SUGCT: variants seen among roughly 807,000 people sequenced by gnomAD.
The protein encoded by SUGCT is succinyl-CoA:glutarate CoA-transferase.
SUGCT carries 41 observed loss-of-function variants against 55.0 expected under a neutral mutation model. The ratio of observed to expected loss-of-function variants is 0.74; its 90% confidence interval spans 0.58 to 0.97. The LOEUF (loss-of-function observed/expected upper bound fraction) is 0.97, where lower values mean the gene tolerates loss of function less well. Among genes scored for constraint, SUGCT ranks in the 50% least tolerant of loss-of-function variants. The probability of loss-of-function intolerance (pLI) is 0.00; values close to 1 mark genes in which losing one functional copy is unlikely to be tolerated. For missense variants in SUGCT, 568 were observed against 547.8 expected (o/e 1.04, Z -0.37); for synonymous variants, 187 against 200.4 (o/e 0.93, Z 0.56).
chr7:40,632,973 T>C (rs1799857548), intron 12 of SUGCT, among the ~76,000 whole-genome samples: 1 of 152,186 alleles, frequency 6.6e-6, no homozygotes, highest in Non-Finnish European at 1.5e-5. Context: ...TTGGTTCATC[T>C]TGAGCTTCTA....
intron 9 of SUGCT, among the ~76,000 whole-genome samples, chr7:40,416,532 T>A (rs1347774697): frequency 6.6e-6 from 1 of 151,948 alleles, no homozygotes; most frequent in Non-Finnish European, 1.5e-5. Context: ...AAATCATAGA[T>A]ATATAGAGAT....
At chr7:40,710,067 A>C (rs1785630030) in intron 12 of SUGCT, among the ~76,000 whole-genome samples, 1 of 152,170 alleles carries the variant, frequency 6.6e-6, no homozygotes, top group Admixed American at 6.5e-5. Context: ...TGAGGAAAGG[A>C]CAGGGCTGTA....
chr7:40,889,959 G>C, the SUGCT span, among the ~76,000 whole-genome samples: 2 of 151,842 alleles, frequency 1.3e-5, no homozygotes, highest in East Asian at 3.9e-4. Context: ...GTTTATTTCT[G>C]CCTTTGTCCT....
chr7:40,215,303 C>T (rs1277050208), intron 6 of SUGCT, among the ~76,000 whole-genome samples: 1 of 152,014 alleles, frequency 6.6e-6, no homozygotes, highest in East Asian at 1.9e-4. Flanking sequence ...CCACCATGCT[C>T]AGATAATTTT....
chr7:40,542,013 G>A (rs1399101473), intron 12 of SUGCT, among the ~76,000 whole-genome samples: 1 of 152,178 alleles, frequency 6.6e-6, no homozygotes. Context: ...CTTCCACCAG[G>A]GAGGAGGGTC....
intron 12 of SUGCT, among the ~76,000 whole-genome samples, chr7:40,530,860 G>T (rs148999117): frequency 2.6e-5 from 4 of 151,874 alleles, no homozygotes; most frequent in African/African-American, 9.7e-5. Context: ...TTGTTTTTTC[G>T]ATCATGGGTT....
chr7:40,195,707 T>TC, intron 6 of SUGCT, among the ~76,000 whole-genome samples: 1 of 140,730 alleles, frequency 7.1e-6, no homozygotes, highest in South Asian at 2.5e-4. Context: ...TGAAAACAAT[T>TC]CTTTTTTTTT....
At chr7:40,853,662 G>A (rs941808429) in intron 13 of SUGCT, among the ~76,000 whole-genome samples, 3 of 152,152 alleles carry the variant, frequency 2.0e-5, no homozygotes, top group African/African-American at 7.2e-5. Flanking sequence ...ACCACACCCA[G>A]CCTGATATAA....
the SUGCT span, among the ~76,000 whole-genome samples, chr7:41,034,601 G>C: frequency 6.6e-6 from 1 of 152,152 alleles, no homozygotes; most frequent in Non-Finnish European, 1.5e-5. Flanking sequence ...TAGACATGTT[G>C]ACCTTTTCAT....
At chr7:40,664,734 A>G (rs1801513929) in intron 12 of SUGCT, among the ~76,000 whole-genome samples, 1 of 152,196 alleles carries the variant, frequency 6.6e-6, no homozygotes, top group Non-Finnish European at 1.5e-5. Flanking sequence ...TAATCCCAGC[A>G]CTTTGGGAGG....
chr7:40,399,032 T>G (rs1397910910), intron 9 of SUGCT, among the ~76,000 whole-genome samples: 1 of 152,154 alleles, frequency 6.6e-6, no homozygotes, highest in African/African-American at 2.4e-5. Flanking sequence ...GCCACTGCAA[T>G]GTGGAAAGTG....
intron 12 of SUGCT, among the ~76,000 whole-genome samples, chr7:40,653,860 G>A (rs1475451115): frequency 6.6e-6 from 1 of 152,124 alleles, no homozygotes; most frequent in Non-Finnish European, 1.5e-5. Context: ...TTTAGTTTCT[G>A]TGGAAATGAT....
At chr7:41,012,723 A>G in the SUGCT span, among the ~76,000 whole-genome samples, 1 of 152,096 alleles carries the variant, frequency 6.6e-6, no homozygotes, top group Non-Finnish European at 1.5e-5. Flanking sequence ...AGAGACTGCC[A>G]CCCACACATT....
intron 12 of SUGCT, among the ~76,000 whole-genome samples, chr7:40,535,260 C>T (rs1583919339): frequency 6.6e-6 from 1 of 151,996 alleles, no homozygotes; most frequent in South Asian, 2.1e-4. Flanking sequence ...TTCCATCAGC[C>T]GGGTGCTGAG....
chr7:40,544,602 C>A (rs918795625), intron 12 of SUGCT, among the ~76,000 whole-genome samples: 5 of 152,104 alleles, frequency 3.3e-5, no homozygotes, highest in Non-Finnish European at 7.4e-5. Context: ...TAATTAGAGG[C>A]TGTCAATTTT....
At chr7:40,541,372 C>T (rs1271368694) in intron 12 of SUGCT, among the ~76,000 whole-genome samples, 1 of 152,156 alleles carries the variant, frequency 6.6e-6, no homozygotes, top group Non-Finnish European at 1.5e-5. Context: ...ATTACTTAGG[C>T]AATAAGATTA....
intron 12 of SUGCT, among the ~76,000 whole-genome samples, chr7:40,675,465 A>G (rs1026176674): frequency 1.1e-4 from 16 of 152,240 alleles, no homozygotes; most frequent in African/African-American, 3.9e-4. Flanking sequence ...TAGAAGGAGA[A>G]TGAGTAGTTA....
intron 13 of SUGCT, among the ~76,000 whole-genome samples, chr7:40,858,583 G>A (rs1372902529): frequency 2.0e-5 from 3 of 152,128 alleles, no homozygotes; most frequent in Non-Finnish European, 2.9e-5. Flanking sequence ...GATTAAAACT[G>A]TTTTTAATTA....
At chr7:40,710,528 C>G (rs1785656079) in intron 12 of SUGCT, among the ~76,000 whole-genome samples, 1 of 152,018 alleles carries the variant, frequency 6.6e-6, no homozygotes, top group East Asian at 1.9e-4. Context: ...CCTTCATTCT[C>G]ACTCCTCTAG....
Sources: gnomAD v4.1 joint callset for allele counts (sites outside exome capture counted in the v4.1 genomes callset) on GRCh38, gnomAD v4.1.1 for gene constraint, MANE v1.5 for transcripts, NCBI Gene and HGNC (gene_info 2026-07-23, HGNC 2026-07-21) for gene names.